SRGAP2: variants seen among roughly 807,000 people sequenced by gnomAD.
The protein encoded by SRGAP2 is SLIT-ROBO Rho GTPase activating protein 2.
A neutral mutation model predicts 57.2 loss-of-function variants in SRGAP2; 15 were observed. The ratio of observed to expected loss-of-function variants is 0.26; its 90% confidence interval spans 0.18 to 0.40. The LOEUF (loss-of-function observed/expected upper bound fraction) is 0.40, where lower values mean the gene tolerates loss of function less well. SRGAP2 is among the 10% of genes least tolerant of loss of function. The pLI is 1.00. For missense variants in SRGAP2, 520 were observed against 669.6 expected, an observed-to-expected ratio of 0.78 and a Z score of 2.47; for synonymous variants, 249 against 248.0, an observed-to-expected ratio of 1.00 and a Z score of -0.04.
intron 2 of SRGAP2, among the ~76,000 whole-genome samples, chr1:206,286,430 A>G: frequency 6.6e-6 from 1 of 151,904 alleles, no homozygotes; most frequent in South Asian, 2.1e-4. Flanking sequence ...CCAGCAATAA[A>G]TTGTTCCAAA....
At chr1:206,410,435 G>T (rs539307362) in intron 10 of SRGAP2, among the ~76,000 whole-genome samples, 4 of 152,288 alleles carry the variant, frequency 2.6e-5, no homozygotes, top group African/African-American at 9.6e-5. Flanking sequence ...TTTGAAAAGG[G>T]TATACAGGAA....
At chr1:206,236,904 T>C (rs1245166319) in intron 2 of SRGAP2, among the ~76,000 whole-genome samples, 1 of 122,900 alleles carries the variant, frequency 8.1e-6, no homozygotes, top group Admixed American at 8.4e-5. Context: ...TTAATTTTTT[T>C]TTGAGACAGG....
intron 2 of SRGAP2, among the ~76,000 whole-genome samples, chr1:206,229,931 T>TACACACAC (rs66901207): frequency 0.026 from 3,727 of 141,686 alleles, 69 homozygotes; most frequent in African/African-American, 0.045. Flanking sequence ...TACACATACA[T>TACACACAC]ACACACACAC....
In SRGAP2 at chr1:206,458,698, G is replaced by C. The variant is rs1553379323; in HGVS notation, c.2583G>C (p.Leu861=). The C allele has an allele frequency of 1.3e-6, 1 of 779,670 alleles. No individual in the cohort carries two copies. The highest frequency in any genetic ancestry group is 1.7e-5 in the Admixed American group (1 of 58,854). 48.3% of individuals were successfully genotyped at this position (779,670 alleles called of 1,614,324 possible). The change falls in exon 22 of 23, where the codon CTG becomes CTC. Residue 861 remains leucine (L), a synonymous_variant. Coordinates refer to ENST00000573034, the MANE Select transcript of SRGAP2 (RefSeq NM_015326.5). The stretch of plus-strand genomic sequence containing the variant: ...ACAGCCATGGGCTGAGCAGTTCCCT[G>C]ACTGACTCCTCCTCCCCAGGGGTGG... The part of the protein sequence containing the change: ...RSDSHGLSSS[L]TDSSSPGVGA...
intron 3 of SRGAP2, among the ~76,000 whole-genome samples, chr1:206,341,072 T>C (rs1553335067): frequency 6.6e-6 from 1 of 152,210 alleles, no homozygotes; most frequent in Non-Finnish European, 1.5e-5. Flanking sequence ...ACTTCTTGGT[T>C]GGGTTAGACA....
chr1:206,263,033 G>C (rs1221888344), intron 2 of SRGAP2, among the ~76,000 whole-genome samples: 1 of 149,174 alleles, frequency 6.7e-6, no homozygotes, highest in Non-Finnish European at 1.5e-5. Context: ...ATGACATAAG[G>C]AATACAAGTA....
chr1:206,295,415 G>A (rs1671536008), intron 2 of SRGAP2, among the ~76,000 whole-genome samples: 1 of 151,848 alleles, frequency 6.6e-6, no homozygotes, highest in African/African-American at 2.4e-5. Flanking sequence ...CGTAGTGATG[G>A]GGTTTTACCA....
chr1:206,254,838 A>G (rs1269515010), intron 2 of SRGAP2, among the ~76,000 whole-genome samples: 9 of 151,584 alleles, frequency 5.9e-5, no homozygotes, highest in African/African-American at 2.2e-4. Flanking sequence ...GAAAACCACC[A>G]TGTAGTTCTG....
intron 2 of SRGAP2, among the ~76,000 whole-genome samples, chr1:206,261,046 A>G (rs2102622951): frequency 6.6e-6 from 1 of 150,986 alleles, no homozygotes; most frequent in East Asian, 1.9e-4. Flanking sequence ...GGAAATTTTA[A>G]TAATGAAACC....
At chr1:206,285,527 G>A in intron 2 of SRGAP2, among the ~76,000 whole-genome samples, 1 of 152,212 alleles carries the variant, frequency 6.6e-6, no homozygotes, top group Non-Finnish European at 1.5e-5. Context: ...TGGTGCGTGT[G>A]TCACTGGGGC....
At chr1:206,452,885 C>CAAAA (rs1166978056) in intron 19 of SRGAP2, among the ~76,000 whole-genome samples, 156 of 62,100 alleles carry the variant, frequency 2.5e-3, no homozygotes, top group African/African-American at 0.01. Context: ...GACTCCATCC[C>CAAAA]AAAAAAAAAA....
chr1:206,277,775 A>G (rs1178479029), intron 2 of SRGAP2, among the ~76,000 whole-genome samples: 2 of 152,214 alleles, frequency 1.3e-5, no homozygotes, highest in Non-Finnish European at 2.9e-5. Flanking sequence ...TTCTAGACCA[A>G]CCTGGACAAC....
intron 2 of SRGAP2, among the ~76,000 whole-genome samples, chr1:206,268,079 A>AT (rs1418292135): frequency 4.2e-5 from 6 of 143,304 alleles, no homozygotes; most frequent in African/African-American, 1.7e-4. Flanking sequence ...CTATATATAT[A>AT]TATTTTTTTT....
At chr1:206,211,052 A>ACAGTGTTTG (rs1273664529) in intron 2 of SRGAP2, among the ~76,000 whole-genome samples, 1 of 151,938 alleles carries the variant, frequency 6.6e-6, no homozygotes, top group African/African-American at 2.4e-5. Flanking sequence ...TACTGTGCAA[A>ACAGTGTTTG]GAAGCAGTAG....
At chr1:206,447,092 C>T (rs782498608) in intron 18 of SRGAP2, among the ~76,000 whole-genome samples, 7 of 152,170 alleles carry the variant, frequency 4.6e-5, no homozygotes, top group African/African-American at 9.7e-5. Flanking sequence ...CCATGCCACC[C>T]GCCATGGTAC....
chr1:206,412,050 G>T (rs1659268185), intron 10 of SRGAP2, among the ~76,000 whole-genome samples: 1 of 152,194 alleles, frequency 6.6e-6, no homozygotes. Context: ...CTAAGACTCA[G>T]GGGGTTAAAT....
At chr1:206,308,783 G>A (rs1672406372) in intron 3 of SRGAP2, among the ~76,000 whole-genome samples, 2 of 151,746 alleles carry the variant, frequency 1.3e-5, no homozygotes, top group Admixed American at 1.3e-4. Flanking sequence ...CGTATTCTGG[G>A]TAACAATCAG....
intron 2 of SRGAP2, among the ~76,000 whole-genome samples, chr1:206,260,836 C>T (rs1429351351): frequency 6.6e-6 from 1 of 152,206 alleles, no homozygotes; most frequent in Non-Finnish European, 1.5e-5. Context: ...AGTGCATATG[C>T]TACTTAAAAT....
At position 206,461,769 on chromosome 1, in the gene SRGAP2, C is replaced by T. The variant is rs556331091; in HGVS notation, c.*349C>T. On this transcript the variant is annotated 3_prime_UTR_variant, in exon 23 of 23. Coordinates refer to ENST00000573034, the MANE Select transcript of SRGAP2 (RefSeq NM_015326.5). ...CAGTCCCCTCAGACCACGGTGATGCCTTGACCAGATGGTTGGCTACTGCCA... is the reference window on the plus strand; with the variant it reads ...CAGTCCCCTCAGACCACGGTGATGCTTTGACCAGATGGTTGGCTACTGCCA... 3 of 222,240 alleles carry T rather than the reference C, an allele frequency of 1.3e-5. No homozygotes were observed. The East Asian group carries it at 3.0e-4, about 22-fold the overall frequency. The allele number at this position is 222,240 out of a possible 1,614,324, so 13.8% of individuals were successfully genotyped here.
Sources: allele counts gnomAD v4.1 joint callset (sites outside exome capture counted in the v4.1 genomes callset), GRCh38; gene constraint gnomAD v4.1.1; transcripts MANE v1.5; gene names NCBI Gene and HGNC (gene_info 2026-07-23, HGNC 2026-07-21).